Variants in KRTAP5-6 observed in about 807,000 individuals in gnomAD.
KRTAP5-6 encodes the protein keratin-associated protein 5-6.
For missense variants in KRTAP5-6, 175 were observed against 157.6 expected, an observed-to-expected ratio of 1.11 and a Z score of -0.59; for synonymous variants, 57 against 61.7, an observed-to-expected ratio of 0.92 and a Z score of 0.36.
rs1189016098 is a variant in KRTAP5-6, at chr11:1,697,307, G to C, written c.62G>C (p.Cys21Ser). ...GGCTGTGGGGGCTGTGGCTCTGGCT[G>C]TGGGGGCTGTGGGTCCAGCTGCTGT... ...GSGCGGCGSG[C>S]GGCGSSCCVP... The change falls in exon 1 of 1, where the codon TGT (cysteine) becomes TCT (serine). Residue 21 changes from cysteine (C) to serine (S), a missense_variant. Coordinates refer to ENST00000382160, the MANE Select transcript of KRTAP5-6 (RefSeq NM_001012416.1). The C allele has an allele frequency of 3.7e-6, 6 of 1,613,364 alleles. No homozygotes were observed. The highest frequency in any genetic ancestry group is 1.3e-5 in the African/African-American group (1 of 74,890).
Sources: gnomAD v4.1 joint callset for allele counts on GRCh38, gnomAD v4.1.1 for gene constraint, MANE v1.5 for transcripts, NCBI Gene and HGNC (gene_info 2026-07-23, HGNC 2026-07-21) for gene names.